Variants in ADAT2 observed in about 807,000 individuals in gnomAD.
ADAT2 encodes tRNA-specific adenosine-34 deaminase catalytic subunit ADAT2.
A neutral mutation model predicts 25.9 loss-of-function variants in ADAT2; 26 were observed. That is an observed-to-expected ratio of 1.00 (90% CI 0.74 to 1.39). The LOEUF (loss-of-function observed/expected upper bound fraction) is 1.39. Ranked by LOEUF, ADAT2 falls within the 40% of genes most tolerant of loss-of-function variation. The pLI is 0.00. For synonymous variants in ADAT2, 76 were observed against 86.8 expected (o/e 0.88, Z 0.69); for missense variants, 220 against 244.8 (o/e 0.90, Z 0.68).
chr6:143,431,472 G>GA (rs1779114440), intron 4 of ADAT2, among the ~76,000 whole-genome samples: 1 of 152,192 alleles, frequency 6.6e-6, no homozygotes, highest in South Asian at 2.1e-4. Context: ...GAAGTGATTG[G>GA]AAAAATCAAA....
intron 1 of ADAT2, among the ~76,000 whole-genome samples, chr6:143,443,233 T>C (rs1186398049): frequency 6.6e-6 from 1 of 152,120 alleles, no homozygotes; most frequent in Non-Finnish European, 1.5e-5. Flanking sequence ...GCTCCACTTA[T>C]TCATTTGTTC....
Position 143,423,867 on chromosome 6 carries a change from G to A in ADAT2, c.*4596C>T, listed in dbSNP as rs1427366645. On this transcript the variant is annotated 3_prime_UTR_variant, in exon 6 of 6. Coordinates refer to ENST00000237283, the MANE Select transcript of ADAT2 (RefSeq NM_182503.3). The stretch of plus-strand genomic sequence containing the variant: ...GCAGGATTCTTGCTAAAGCTGGGCT[G>A]TATAGGCCCATCAAGAATGGGGGCC... 6 of 152,182 alleles carry A rather than the reference G, an allele frequency of 3.9e-5. No homozygotes were observed. Among genetic ancestry groups the A allele is most frequent in the African/African-American group, 9.7e-5 (4 of 41,430 alleles). The allele number at this position is 152,182 out of a possible 1,614,324, so 9.4% of individuals were successfully genotyped here.
Position 143,428,631 on chromosome 6 carries a change from G to T in ADAT2, c.513C>A (p.Tyr171Ter). The T allele has an allele frequency of 1.9e-6, 3 of 1,614,090 alleles. No individual in the cohort carries two copies. The highest frequency in any genetic ancestry group is 2.5e-6 in the Non-Finnish European group (3 of 1,180,012). ...ACTGACCATTTGGATTTTCTTGTTT[G>T]TAGAAGGTCTTTAACATTTCCACTG... ...EEAVEMLKTF[Y>*]KQENPNAPKS... Residue 171 changes from tyrosine to a stop codon, truncating the protein, a stop_gained, in exon 5 of 6, where the codon TAC (tyrosine) becomes TAA (stop). Transcript: ENST00000237283. LOFTEE classifies it high-confidence loss of function. The surrounding 1 kb of genome is among the most constrained non-coding windows in gnomAD (Gnocchi z 5.0).
Position 143,432,679 on chromosome 6 carries a change from G to C in ADAT2, c.353-68C>G. On this transcript the variant is annotated intron_variant, in intron 3 of 5. Coordinates refer to ENST00000237283, the MANE Select transcript of ADAT2 (RefSeq NM_182503.3). The surrounding 1 kb of genome is among the most constrained non-coding windows in gnomAD (Gnocchi z 4.4). ...TATGTATCGTGACAAAATCAGAGTA[G>C]GTTTATACCAGCCATCCTGGAGAGG... The C allele has an allele frequency of 6.8e-7, 1 of 1,473,344 alleles. No individual in the cohort carries two copies. The highest frequency in any genetic ancestry group is 9.5e-7 in the Non-Finnish European group (1 of 1,054,572). 91.3% of individuals were successfully genotyped at this position (1,473,344 alleles called of 1,614,324 possible). A position where few individuals can be genotyped will look rare whatever the true frequency, so the allele number is the denominator to read the frequency against.
In ADAT2 at chr6:143,428,141, C is replaced by G. The variant is rs1042891932; in HGVS notation, c.*322G>C. The G allele has an allele frequency of 1.7e-5, 5 of 290,164 alleles. No individual in the cohort carries two copies. The highest frequency in any genetic ancestry group is 4.8e-5 in the Admixed American group (1 of 20,976). 18.0% of individuals were successfully genotyped at this position (290,164 alleles called of 1,614,324 possible). ...GTCCCTGGGTCTGGCCACACATTCT[C>G]TAAGAAGTCAGCACTTGCCTGGACT... is the stretch of plus-strand genomic sequence containing the variant. On this transcript the variant is annotated 3_prime_UTR_variant, in exon 6 of 6. Transcript: ENST00000237283. This position sits in a 1 kb window ranked among gnomAD's most constrained non-coding sequence, Gnocchi z 5.0.
At chr6:143,448,757 C>T (rs1779668160) in intron 1 of ADAT2, among the ~76,000 whole-genome samples, 1 of 152,028 alleles carries the variant, frequency 6.6e-6, no homozygotes, top group Admixed American at 6.5e-5. Flanking sequence ...CCTGTAATCC[C>T]AGCACTTTGG....
At chr6:143,443,936 A>G (rs1307018416) in intron 1 of ADAT2, among the ~76,000 whole-genome samples, 1 of 152,128 alleles carries the variant, frequency 6.6e-6, no homozygotes, top group Non-Finnish European at 1.5e-5. Flanking sequence ...AGAGCTCTAC[A>G]TTGGCTATGT....
chr6:143,424,988 C>A lies in ADAT2; in HGVS notation c.*3475G>T, dbSNP rs897397287. 6.6e-6 allele frequency: 1 copy of A among 152,180 alleles called. No homozygotes were observed. The highest frequency in any genetic ancestry group is 6.5e-5 in the Admixed American group (1 of 15,280). The allele number at this position is 152,180 out of a possible 1,614,324, so 9.4% of individuals were successfully genotyped here. On this transcript the variant is annotated 3_prime_UTR_variant, in exon 6 of 6. Transcript: ENST00000237283. This position sits in a 1 kb window ranked among gnomAD's most constrained non-coding sequence, Gnocchi z 4.8. ...GACCAGATGACCAAAATTGACATCA[C>A]CTTGGTGTGACGGCCTTTGTGTGCC...
Position 143,444,488 on chromosome 6 carries a change from C to T in ADAT2, c.97-5794G>A, listed in dbSNP as rs1472071657. The T allele has an allele frequency of 2.0e-5, 3 of 152,528 alleles. No individual in the cohort carries two copies. Among genetic ancestry groups the T allele is most frequent in the Non-Finnish European group, 4.4e-5 (3 of 68,350 alleles). 9.4% of individuals were successfully genotyped at this position (152,528 alleles called of 1,614,324 possible). A position where few individuals can be genotyped will look rare whatever the true frequency, so the allele number is the denominator to read the frequency against. On this transcript the variant is annotated intron_variant, in intron 1 of 5. Coordinates refer to ENST00000237283, the MANE Select transcript of ADAT2 (RefSeq NM_182503.3). This position sits in a 1 kb window ranked among gnomAD's most constrained non-coding sequence, Gnocchi z 4.3. ...GCTGGAAATCAATTTCACCCCATACCCATATCATACTTTCAAACTCTCCCA... is the reference window on the plus strand; with the variant it reads ...GCTGGAAATCAATTTCACCCCATACTCATATCATACTTTCAAACTCTCCCA...
In ADAT2 at chr6:143,423,726, C is replaced by T. The variant is rs1778846419; in HGVS notation, c.*4737G>A. On this transcript the variant is annotated 3_prime_UTR_variant, in exon 6 of 6. Transcript: ENST00000237283. ...GGAGATATCAAGAGTAGAGTTCTTG[C>T]AAAATGAACTTAACAGGCTTCTCGT... 1 of 152,120 alleles carries T rather than the reference C, an allele frequency of 6.6e-6. No individual in the cohort carries two copies. Among genetic ancestry groups the T allele is most frequent in the Non-Finnish European group, 1.5e-5 (1 of 68,018 alleles). 9.4% of individuals were successfully genotyped at this position (152,120 alleles called of 1,614,324 possible). A position where few individuals can be genotyped will look rare whatever the true frequency, so the allele number is the denominator to read the frequency against.
chr6:143,429,782 G>A (rs897897933), intron 4 of ADAT2, among the ~76,000 whole-genome samples: 1 of 152,180 alleles, frequency 6.6e-6, no homozygotes, highest in East Asian at 1.9e-4. Flanking sequence ...CAGAGGACAG[G>A]AGGACCAGCT....
chr6:143,438,314 A>G (rs539652625), intron 2 of ADAT2, among the ~76,000 whole-genome samples: 18 of 152,234 alleles, frequency 1.2e-4, no homozygotes, highest in Non-Finnish European at 2.4e-4. Context: ...TCACTCAAGC[A>G]TTAGAGTAAA....
rs2128736283 is a variant in ADAT2, at chr6:143,424,037, GATAA to G, written c.*4422_*4425del. On this transcript the variant is annotated 3_prime_UTR_variant, in exon 6 of 6. Transcript: ENST00000237283. The surrounding 1 kb of genome is among the most constrained non-coding windows in gnomAD (Gnocchi z 4.8). Reference sequence around the variant, plus strand: ...CCCAATATCCACTTAGAAATCAGGTGATAAATAGTCACGAGCCTGTTTTCATTAG... The same window carrying G: ...CCCAATATCCACTTAGAAATCAGGTGATAGTCACGAGCCTGTTTTCATTAG... The G allele has an allele frequency of 1.3e-5, 2 of 152,282 alleles. No homozygotes were observed. Among genetic ancestry groups the G allele is most frequent in the Middle Eastern group, 3.4e-3 (1 of 294 alleles). 9.4% of individuals were successfully genotyped at this position (152,282 alleles called of 1,614,324 possible). A position where few individuals can be genotyped will look rare whatever the true frequency, so the allele number is the denominator to read the frequency against.
chr6:143,438,596 G>C lies in ADAT2; in HGVS notation c.195C>G (p.Thr65=). 3 of 1,610,158 alleles carry C rather than the reference G, an allele frequency of 1.9e-6. No individual in the cohort carries two copies. The highest frequency in any genetic ancestry group is 2.5e-6 in the Non-Finnish European group (3 of 1,176,758). ...VGKGRNEVNQ[T]KNATRHAEMV... ...TACTGCTCAACTCACATACATTTTTGGTTTGGTTAACTTCATTTCTCCCCT... is the reference window on the plus strand; with the variant it reads ...TACTGCTCAACTCACATACATTTTTCGTTTGGTTAACTTCATTTCTCCCCT... Residue 65 remains threonine, a synonymous_variant, in exon 2 of 6, where the codon ACC becomes ACG. Transcript: ENST00000237283.
rs558090032 is a variant in ADAT2 at position 143,430,854 on chromosome 6, T to C, written c.459+1651A>G. ...TGCTGGGATTACAGGCATGAGCCAC[T>C]GCACCCAGCCATAAAACAAAAATTT... On this transcript the variant is annotated intron_variant, in intron 4 of 5. Transcript: ENST00000237283. 9.8e-5 allele frequency among the ~76,000 whole-genome samples: 15 copies of C among 152,298 alleles called. No individual in the cohort carries two copies. In the East Asian group the frequency reaches 1.7e-3, roughly 18 times the overall value.
Position 143,436,539 on chromosome 6 carries a change from C to G in ADAT2, c.201+2051G>C, listed in dbSNP as rs1779288228. 5.1e-6 allele frequency: 2 copies of G among 391,566 alleles called. No individual in the cohort carries two copies. The highest frequency in any genetic ancestry group is 1.6e-4 in the East Asian group (2 of 12,778). The allele number at this position is 391,566 out of a possible 1,614,324, so 24.3% of individuals were successfully genotyped here. ...TCTCAGAGCAGTTCACAGCCATGTT[C>G]AGGTGCAAGGCCTTCCTGCACTGGT... is the stretch of plus-strand genomic sequence containing the variant. On this transcript the variant is annotated intron_variant, in intron 2 of 5. Transcript: ENST00000237283. The surrounding 1 kb of genome is among the most constrained non-coding windows in gnomAD (Gnocchi z 4.1).
chr6:143,446,434 T>C lies in ADAT2; in HGVS notation c.96+4129A>G, dbSNP rs1366576946. Among the ~76,000 whole-genome samples, 1 of 152,190 alleles carries C rather than the reference T, an allele frequency of 6.6e-6. No individual in the cohort carries two copies. The highest frequency in any genetic ancestry group is 1.5e-5 in the Non-Finnish European group (1 of 68,036). On this transcript the variant is annotated intron_variant, in intron 1 of 5. Transcript: ENST00000237283. The surrounding 1 kb of genome is among the most constrained non-coding windows in gnomAD (Gnocchi z 5.0). ...TATAAACAAGTAAAGAACTTCTCTA[T>C]ATAAATATTTATATTGCTTCTTTGT...
At chr6:143,448,259 G>C (rs565742084) in intron 1 of ADAT2, among the ~76,000 whole-genome samples, 17 of 152,122 alleles carry the variant, frequency 1.1e-4, no homozygotes, top group East Asian at 3.9e-4. Context: ...CATGGGGTTG[G>C]GGGGAGAGGG....
At chr6:143,433,368 T>C (rs1779173892) in intron 3 of ADAT2, among the ~76,000 whole-genome samples, 1 of 152,168 alleles carries the variant, frequency 6.6e-6, no homozygotes, top group Non-Finnish European at 1.5e-5. Flanking sequence ...TCATAAAGGA[T>C]TTCTTACTTC....
Sources: allele counts gnomAD v4.1 joint callset (sites outside exome capture counted in the v4.1 genomes callset), GRCh38; gene constraint gnomAD v4.1.1; non-coding constraint Gnocchi (gnomAD v3.1); transcripts MANE v1.5; gene names NCBI Gene and HGNC (gene_info 2026-07-23, HGNC 2026-07-21).